The following LARGE1 variants were observed in gnomAD, a reference collection of about 807,000 sequenced individuals.
LARGE1 encodes xylosyl- and glucuronyltransferase LARGE1.
In LARGE1, 43 loss-of-function variants were observed where a neutral mutation model predicts 87.6. The ratio of observed to expected loss-of-function variants is 0.49; its 90% CI spans 0.38 to 0.63. The LOEUF (loss-of-function observed/expected upper bound fraction) is 0.63. Ranked by LOEUF, LARGE1 falls within the 30% of genes least tolerant of loss-of-function variation. The pLI is 0.00. For synonymous variants in LARGE1, 434 were observed against 394.6 expected, an observed-to-expected ratio of 1.10 and a Z score of -1.18; for missense variants, 802 against 1,000.2, an observed-to-expected ratio of 0.80 and a Z score of 2.67.
chr22:33,128,338 CAT>C, the LARGE1 span, among the ~76,000 whole-genome samples: 1 of 152,174 alleles, frequency 6.6e-6, no homozygotes, highest in Non-Finnish European at 1.5e-5. Context: ...ATAACAAAGA[CAT>C]AGAATCAACC....
At chr22:33,198,676 C>CACATAT (rs60375534) in intron 11 of LARGE1, among the ~76,000 whole-genome samples, 1,623 of 148,558 alleles carry the variant, frequency 0.011, 45 homozygotes, top group Middle Eastern at 0.039. Flanking sequence ...CACACACACA[C>CACATAT]GTATCTAAAA....
intron 11 of LARGE1, among the ~76,000 whole-genome samples, chr22:33,188,706 T>C (rs1272967279): frequency 3.9e-5 from 6 of 152,196 alleles, no homozygotes; most frequent in African/African-American, 1.4e-4. Context: ...CAATTGGAGC[T>C]GGAGGAGTTG....
chr22:33,833,047 C>A lies in LARGE1; in HGVS notation c.-82-71489G>T, dbSNP rs370291507. 1.3e-4 allele frequency among the ~76,000 whole-genome samples: 20 copies of A among 152,234 alleles called. No homozygotes were observed. In the East Asian group the frequency reaches 2.5e-3, roughly 19 times the overall value. On this transcript the variant is annotated intron_variant, in intron 1 of 14. Transcript: ENST00000397394. Reference sequence around the variant, plus strand: ...CCTTCGGGAGAACTGCAGGATGCCCCAGTGCAGGGGTGGCAGTCAACTCCA... The same window carrying A: ...CCTTCGGGAGAACTGCAGGATGCCCAAGTGCAGGGGTGGCAGTCAACTCCA...
chr22:33,292,355 A>G (rs888988723), intron 12 of LARGE1, among the ~76,000 whole-genome samples: 2 of 152,202 alleles, frequency 1.3e-5, no homozygotes, highest in Non-Finnish European at 2.9e-5. Flanking sequence ...CACTGAGGTT[A>G]AGAAAAGGAG....
intron 3 of LARGE1, among the ~76,000 whole-genome samples, chr22:33,634,861 G>GA (rs397707436): frequency 0.025 from 1 of 40 alleles, no homozygotes; most frequent in Non-Finnish European, 0.042. Flanking sequence ...CAAGCATGGT[G>GA]CTCACGCCTG....
chr22:33,730,944 C>T (rs2083444805), intron 2 of LARGE1, among the ~76,000 whole-genome samples: 1 of 151,698 alleles, frequency 6.6e-6, no homozygotes, highest in Admixed American at 6.6e-5. Flanking sequence ...ATCCACCCAC[C>T]TCCACCTCCT....
chr22:33,543,162 C>A (rs1021517626), intron 6 of LARGE1, among the ~76,000 whole-genome samples: 3 of 151,328 alleles, frequency 2.0e-5, no homozygotes, highest in Admixed American at 1.3e-4. Flanking sequence ...GTAAGGCACA[C>A]ACCTAATTGG....
chr22:33,767,214 G>A (rs1385847372), intron 1 of LARGE1, among the ~76,000 whole-genome samples: 1 of 150,850 alleles, frequency 6.6e-6, no homozygotes, highest in Non-Finnish European at 1.5e-5. Context: ...CCCAGCTACT[G>A]GAGAGGCTGA....
chr22:33,296,952 A>G (rs1012547628), intron 12 of LARGE1, among the ~76,000 whole-genome samples: 2 of 152,206 alleles, frequency 1.3e-5, no homozygotes, highest in Non-Finnish European at 2.9e-5. Context: ...AATTGTGGTG[A>G]GCCTTAATGG....
At chr22:33,154,754 A>G in the LARGE1 span, among the ~76,000 whole-genome samples, 2 of 152,114 alleles carry the variant, frequency 1.3e-5, no homozygotes, top group African/African-American at 2.4e-5. Context: ...GGCCTCATAG[A>G]TAGACATATA....
rs989479883 is a variant in LARGE1 at position 33,318,271 on chromosome 22, G to A, written c.1288-2023C>T. Among the ~76,000 whole-genome samples the A allele has an allele frequency of 3.3e-5, 5 of 151,808 alleles. 1 individual carries two copies. Among genetic ancestry groups the A allele is most frequent in the African/African-American group, 1.2e-4 (5 of 41,326 alleles). Reference sequence around the variant, plus strand: ...AAAAGAATGGGAGGACTTGTCGGAGGCAATCTGTATTTCCATAAAAACAAA... The same window carrying A: ...AAAAGAATGGGAGGACTTGTCGGAGACAATCTGTATTTCCATAAAAACAAA... On this transcript the variant is annotated intron_variant, in intron 10 of 14. Coordinates refer to ENST00000397394, the MANE Select transcript of LARGE1 (RefSeq NM_133642.5).
the LARGE1 span, among the ~76,000 whole-genome samples, chr22:33,073,900 G>A: frequency 2.0e-5 from 3 of 152,158 alleles, no homozygotes; most frequent in African/African-American, 2.4e-5. Flanking sequence ...GCGACTGTAA[G>A]TAATACCATT....
chr22:33,363,634 T>G (rs2064466914), intron 9 of LARGE1, among the ~76,000 whole-genome samples: 1 of 149,822 alleles, frequency 6.7e-6, no homozygotes, highest in African/African-American at 2.5e-5. Context: ...ACCATGTTTT[T>G]TCCTATACAT....
At chr22:33,196,145 G>GT in intron 11 of LARGE1, among the ~76,000 whole-genome samples, 1 of 147,160 alleles carries the variant, frequency 6.8e-6, no homozygotes, top group East Asian at 2.0e-4. Flanking sequence ...AAAAAAAAGC[G>GT]TAAGGATAAA....
At chr22:33,859,666 A>G (rs2187707) in intron 1 of LARGE1, among the ~76,000 whole-genome samples, 140,332 of 152,304 alleles carry the variant, frequency 0.92, 64,800 homozygotes, top group East Asian at 1. Flanking sequence ...TTGGTCTTGA[A>G]TGATTAACGA....
At chr22:33,555,654 C>G (rs537070190) in intron 6 of LARGE1, among the ~76,000 whole-genome samples, 1 of 152,048 alleles carries the variant, frequency 6.6e-6, no homozygotes, top group Non-Finnish European at 1.5e-5. Flanking sequence ...AAGGGCCAGG[C>G]GTGGTGGCTC....
At chr22:33,192,343 A>G (rs1923827815) in intron 11 of LARGE1, among the ~76,000 whole-genome samples, 1 of 152,176 alleles carries the variant, frequency 6.6e-6, no homozygotes, top group African/African-American at 2.4e-5. Context: ...CTATTAAAAG[A>G]ACTTTCTTCA....
chr22:33,237,575 T>A (rs779788056), intron 11 of LARGE1, among the ~76,000 whole-genome samples: 4 of 151,232 alleles, frequency 2.6e-5, no homozygotes, highest in Non-Finnish European at 5.9e-5. Context: ...AACAAAGTAA[T>A]AAGAAATAGA....
chr22:33,672,753 G>A (rs2081454354), intron 2 of LARGE1, among the ~76,000 whole-genome samples: 1 of 152,198 alleles, frequency 6.6e-6, no homozygotes, highest in African/African-American at 2.4e-5. Context: ...GGAGTTGGTA[G>A]AGAAGTAGAT....
Sources: gnomAD v4.1 joint callset for allele counts (sites outside exome capture counted in the v4.1 genomes callset) on GRCh38, gnomAD v4.1.1 for gene constraint, MANE v1.5 for transcripts, NCBI Gene and HGNC (gene_info 2026-07-23, HGNC 2026-07-21) for gene names.